Variants in GABRA3 observed in about 807,000 individuals in gnomAD.
The protein encoded by GABRA3 is gamma-aminobutyric acid type A receptor subunit alpha3.
GABRA3 carries 10 observed loss-of-function variants against 30.1 expected under a neutral mutation model. That is an observed-to-expected ratio of 0.33 (90% CI 0.20 to 0.56). The LOEUF is 0.56. GABRA3 is among the 20% of genes least tolerant of loss of function. The pLI is 0.89. For missense variants in GABRA3, 233 were observed against 392.0 expected, an observed-to-expected ratio of 0.59 and a Z score of 3.42; for synonymous variants, 151 against 146.8, an observed-to-expected ratio of 1.03 and a Z score of -0.21.
At chrX:152,246,785 G>T (rs1329741435) in intron 5 of GABRA3, among the ~76,000 whole-genome samples, 4 of 111,064 alleles carry the variant, frequency 3.6e-5, no homozygotes, top group Admixed American at 1.9e-4. Flanking sequence ...ACTAAGTGTG[G>T]CTCTGTGAGT....
chrX:152,166,464 A>T lies in GABRA3; in HGVS notation c.*1764T>A, dbSNP rs16996365. On this transcript the variant is annotated 3_prime_UTR_variant, in exon 10 of 10. Coordinates refer to ENST00000370314, the MANE Select transcript of GABRA3 (RefSeq NM_000808.4). ...CTTAGGAATAATGGGACGGGCATGC[A>T]TTATCCCAGCAATGGCAAGGAAGCA... 0.037 allele frequency: 3,918 copies of T among 106,360 alleles called. 123 individuals are homozygous for T. Among genetic ancestry groups the T allele is most frequent in the African/African-American group, 0.1 (3,044 of 28,993 alleles). The allele number at this position is 106,360 out of a possible 1,213,427, so 8.8% of individuals were successfully genotyped here.
intron 1 of GABRA3, among the ~76,000 whole-genome samples, chrX:152,438,218 G>A (rs1408364878): frequency 8.9e-6 from 1 of 111,955 alleles, no homozygotes; most frequent in Non-Finnish European, 1.9e-5. Flanking sequence ...TGCTCAACTC[G>A]TATGTCGCTA....
At chrX:152,172,380 G>C (rs1937014561) in intron 9 of GABRA3, among the ~76,000 whole-genome samples, 1 of 111,634 alleles carries the variant, frequency 9.0e-6, no homozygotes, top group African/African-American at 3.3e-5. Flanking sequence ...TATGGAAAAT[G>C]TTGTGAGGGT....
At chrX:152,318,882 T>C (rs1319511149) in intron 3 of GABRA3, among the ~76,000 whole-genome samples, 4 of 111,190 alleles carry the variant, frequency 3.6e-5, no homozygotes, top group Non-Finnish European at 7.6e-5. Context: ...GCCAAAATAA[T>C]ACTAAACGGA....
chrX:152,229,677 G>A (rs934961607), intron 5 of GABRA3, among the ~76,000 whole-genome samples: 1 of 110,113 alleles, frequency 9.1e-6, no homozygotes, highest in African/African-American at 3.3e-5. Context: ...AAGAGTAATA[G>A]AAGATGAGTT....
chrX:152,404,731 A>ATTT lies in GABRA3; in HGVS notation c.-26-40138_-26-40136dup, dbSNP rs1342965618. Among the ~76,000 whole-genome samples the ATTT allele has an allele frequency of 1.7e-3, 87 of 51,827 alleles. 1 individual carries two copies. Among genetic ancestry groups the ATTT allele is most frequent in the Middle Eastern group, 0.01 (1 of 98 alleles). 45.0% of individuals were successfully genotyped at this position (51,827 alleles called of 115,157 possible). A position where few individuals can be genotyped will look rare whatever the true frequency, so the allele number is the denominator to read the frequency against. On this transcript the variant is annotated intron_variant, in intron 1 of 9. Coordinates refer to ENST00000370314, the MANE Select transcript of GABRA3 (RefSeq NM_000808.4). ...GGAGAAGCAGGAGAGCCAGGAAGTCATTTATTATTATTATTATTATTATTA... is the reference window on the plus strand; with the variant it reads ...GGAGAAGCAGGAGAGCCAGGAAGTCATTTTTTATTATTATTATTATTATTATTA...
At chrX:152,288,894 T>G (rs938536644) in intron 3 of GABRA3, among the ~76,000 whole-genome samples, 2 of 111,721 alleles carry the variant, frequency 1.8e-5, no homozygotes, top group Non-Finnish European at 3.8e-5. Flanking sequence ...CCTTCCAATA[T>G]TATCCTCTGA....
intron 4 of GABRA3, among the ~76,000 whole-genome samples, chrX:152,275,086 A>G: frequency 1.1e-5 from 1 of 88,415 alleles, no homozygotes; most frequent in East Asian, 3.4e-4. Context: ...TATATATAAT[A>G]AATGTATACA....
In GABRA3 at chrX:152,396,958, C is replaced by T. The variant is rs932795728; in HGVS notation, c.-26-32362G>A. Among the ~76,000 whole-genome samples, 8 of 111,901 alleles carry T rather than the reference C, an allele frequency of 7.1e-5. No individual in the cohort carries two copies. In the East Asian group the frequency reaches 2.3e-3, roughly 31 times the overall value. On this transcript the variant is annotated intron_variant, in intron 1 of 9. Coordinates refer to ENST00000370314, the MANE Select transcript of GABRA3 (RefSeq NM_000808.4). Reference sequence around the variant, plus strand: ...ATACTTATAATTCAGGATCAGAAGGCCATGGTGCTTGCTTGGATACCTAAG... The same window carrying T: ...ATACTTATAATTCAGGATCAGAAGGTCATGGTGCTTGCTTGGATACCTAAG...
chrX:152,235,946 CTATT>C (rs1938195918), intron 5 of GABRA3, among the ~76,000 whole-genome samples: 1 of 88,245 alleles, frequency 1.1e-5, no homozygotes, highest in Non-Finnish European at 2.2e-5. Context: ...AAGCATTGCA[CTATT>C]TGATTTCTTT....
At chrX:152,425,998 T>G (rs1930507110) in intron 1 of GABRA3, among the ~76,000 whole-genome samples, 1 of 111,163 alleles carries the variant, frequency 9.0e-6, no homozygotes. Flanking sequence ...TTCCTATGAC[T>G]TCTTATAATT....
intron 6 of GABRA3, among the ~76,000 whole-genome samples, chrX:152,215,013 C>T (rs192225810): frequency 3.8e-5 from 4 of 104,989 alleles, no homozygotes; most frequent in Admixed American, 3.2e-4. Flanking sequence ...TATATATACA[C>T]ACACATATAT....
At chrX:152,302,668 T>C (rs1603237648) in intron 3 of GABRA3, among the ~76,000 whole-genome samples, 2 of 111,003 alleles carry the variant, frequency 1.8e-5, no homozygotes, top group East Asian at 5.7e-4. Flanking sequence ...GTACTATTGA[T>C]CTCATCACCC....
At chrX:152,310,580 T>C (rs1013971417) in intron 3 of GABRA3, among the ~76,000 whole-genome samples, 4 of 111,579 alleles carry the variant, frequency 3.6e-5, no homozygotes, top group Admixed American at 9.5e-5. Context: ...GGAAAGTTTA[T>C]AGTATTAAAC....
chrX:152,241,309 C>T (rs1412636995), intron 5 of GABRA3, among the ~76,000 whole-genome samples: 2 of 56,959 alleles, frequency 3.5e-5, no homozygotes, highest in African/African-American at 7.5e-5. Flanking sequence ...TTAGGCTGCT[C>T]AGGGGTCAGG....
At chrX:152,199,127 G>A (rs902547402) in intron 7 of GABRA3, among the ~76,000 whole-genome samples, 9 of 111,138 alleles carry the variant, frequency 8.1e-5, no homozygotes, top group East Asian at 5.7e-4. Context: ...AGCACTTTGG[G>A]AGGCCAAGGC....
chrX:152,311,806 C>T (rs1229686448), intron 3 of GABRA3, among the ~76,000 whole-genome samples: 1 of 106,760 alleles, frequency 9.4e-6, no homozygotes, highest in Non-Finnish European at 1.9e-5. Context: ...TAGAAAACAC[C>T]ATAGTTTTGG....
intron 5 of GABRA3, among the ~76,000 whole-genome samples, chrX:152,231,485 G>A (rs1938079913): frequency 1.8e-5 from 2 of 110,396 alleles, no homozygotes; most frequent in African/African-American, 6.5e-5. Context: ...ACACTAAAAT[G>A]GCTAAAATAA....
intron 3 of GABRA3, among the ~76,000 whole-genome samples, chrX:152,300,489 T>C (rs1939611648): frequency 9.0e-6 from 1 of 111,707 alleles, no homozygotes; most frequent in Admixed American, 9.5e-5. Flanking sequence ...AAATCCAGCA[T>C]TAGTACTTAG....
Sources: allele counts gnomAD v4.1 joint callset (sites outside exome capture counted in the v4.1 genomes callset), GRCh38; gene constraint gnomAD v4.1.1; transcripts MANE v1.5; gene names NCBI Gene and HGNC (gene_info 2026-07-23, HGNC 2026-07-21).